Variants in NR6A1 observed in about 807,000 individuals in gnomAD.
NR6A1 encodes retinoic acid receptor-related testis-associated receptor.
NR6A1 carries 7 observed loss-of-function variants against 59.1 expected under a neutral mutation model. That is an observed-to-expected ratio of 0.12 (90% CI 0.07 to 0.22). The LOEUF (loss-of-function observed/expected upper bound fraction) is 0.22. Ranked by LOEUF, NR6A1 falls within the 10% of genes least tolerant of loss-of-function variation. The pLI is 1.00. For synonymous variants in NR6A1, 243 were observed against 236.1 expected (o/e 1.03, Z -0.27); for missense variants, 468 against 611.6 (o/e 0.77, Z 2.48).
At chr9:124,563,911 A>G (rs533456369) in intron 2 of NR6A1, among the ~76,000 whole-genome samples, 1 of 152,222 alleles carries the variant, frequency 6.6e-6, no homozygotes, top group South Asian at 2.1e-4. Context: ...CCCCATCCCT[A>G]CGAAAAATAA....
In NR6A1 at chr9:124,657,251, A is replaced by G. The variant is rs549170150; in HGVS notation, c.142+76057T>C. On this transcript the variant is annotated intron_variant, in intron 2 of 9. Transcript: ENST00000487099. ...CCTCATATGGAAGGTGCTGCATAAT[A>G]TAGTCAACATCTAAAAAATTCCAAG... Among the ~76,000 whole-genome samples the G allele has an allele frequency of 6.0e-4, 91 of 152,344 alleles. 1 individual carries two copies. The South Asian group carries it at 0.018, about 31-fold the overall frequency.
chr9:124,633,236 CT>C (rs1224335702), intron 2 of NR6A1, among the ~76,000 whole-genome samples: 9 of 151,710 alleles, frequency 5.9e-5, no homozygotes, highest in Non-Finnish European at 1.2e-4. Context: ...AACCCCGTCT[CT>C]ACTAAAAATA....
intron 2 of NR6A1, among the ~76,000 whole-genome samples, chr9:124,555,124 T>C (rs532345950): frequency 6.6e-6 from 1 of 152,306 alleles, no homozygotes; most frequent in African/African-American, 2.4e-5. Flanking sequence ...AGAGTATCTA[T>C]TCTGTGTCCA....
intron 2 of NR6A1, among the ~76,000 whole-genome samples, chr9:124,679,834 T>C (rs758240872): frequency 3.3e-5 from 5 of 151,398 alleles, no homozygotes; most frequent in Non-Finnish European, 5.9e-5. Flanking sequence ...GAGGTGGTGG[T>C]TGCAGTGAAC....
chr9:124,549,697 A>T (rs1000738377), intron 3 of NR6A1, among the ~76,000 whole-genome samples: 3 of 152,206 alleles, frequency 2.0e-5, no homozygotes, highest in African/African-American at 4.8e-5. Flanking sequence ...TTAATTTTTT[A>T]AATTTTGAGG....
chr9:124,753,291 G>C (rs557712371), intron 1 of NR6A1, among the ~76,000 whole-genome samples: 18 of 152,172 alleles, frequency 1.2e-4, no homozygotes, highest in African/African-American at 4.3e-4. Flanking sequence ...GCAGACAATA[G>C]CATTTAGAAT....
chr9:124,647,622 GA>G, intron 2 of NR6A1, among the ~76,000 whole-genome samples: 1 of 151,002 alleles, frequency 6.6e-6, no homozygotes, highest in African/African-American at 2.4e-5. Context: ...CAGCTACTCA[GA>G]AGCTGAGGCA....
chr9:124,580,195 T>C (rs940709448), intron 2 of NR6A1, among the ~76,000 whole-genome samples: 1 of 152,218 alleles, frequency 6.6e-6, no homozygotes, highest in Non-Finnish European at 1.5e-5. Flanking sequence ...AATGGGTGAA[T>C]GGATCAACAA....
At chr9:124,683,984 A>T (rs1838250422) in intron 2 of NR6A1, among the ~76,000 whole-genome samples, 1 of 152,234 alleles carries the variant, frequency 6.6e-6, no homozygotes, top group African/African-American at 2.4e-5. Context: ...TTGTGTGGAT[A>T]CTAGCAAAGT....
intron 2 of NR6A1, among the ~76,000 whole-genome samples, chr9:124,586,147 A>G (rs1031195361): frequency 4.6e-5 from 7 of 152,212 alleles, no homozygotes; most frequent in South Asian, 4.1e-4. Flanking sequence ...TAAGAAATAC[A>G]TATCATAAGG....
chr9:124,608,658 C>T (rs1158375307), intron 2 of NR6A1, among the ~76,000 whole-genome samples: 1 of 152,116 alleles, frequency 6.6e-6, no homozygotes, highest in African/African-American at 2.4e-5. Context: ...GGTATATACC[C>T]AGTAATGGAA....
chr9:124,744,292 TATA>T (rs1354450319), intron 1 of NR6A1, among the ~76,000 whole-genome samples: 3 of 152,024 alleles, frequency 2.0e-5, no homozygotes, highest in Non-Finnish European at 4.4e-5. Flanking sequence ...TACAGAAAAA[TATA>T]AGAAAATGTA....
At chr9:124,723,061 G>A (rs1047912166) in intron 2 of NR6A1, among the ~76,000 whole-genome samples, 1 of 151,774 alleles carries the variant, frequency 6.6e-6, no homozygotes, top group African/African-American at 2.4e-5. Context: ...TACATATAGT[G>A]ACATATACTA....
At chr9:124,704,601 T>A (rs888908494) in intron 2 of NR6A1, among the ~76,000 whole-genome samples, 1 of 152,206 alleles carries the variant, frequency 6.6e-6, no homozygotes, top group East Asian at 1.9e-4. Context: ...TTTCTTACAA[T>A]GGACGCTTAC....
Position 124,746,974 on chromosome 9 carries a change from C to A in NR6A1, c.101-13625G>T, listed in dbSNP as rs192654826. Among the ~76,000 whole-genome samples the A allele has an allele frequency of 1.4e-4, 21 of 152,174 alleles. 1 individual carries two copies. In the East Asian group the frequency reaches 2.5e-3, roughly 18 times the overall value. On this transcript the variant is annotated intron_variant, in intron 1 of 9. Coordinates refer to ENST00000487099, the MANE Select transcript of NR6A1 (RefSeq NM_033334.4). ...GGAGACATTAACAGCAGTGGTCACACTATTTATTTCTTCTTAGGGAAAACT... is the reference window on the plus strand; with the variant it reads ...GGAGACATTAACAGCAGTGGTCACAATATTTATTTCTTCTTAGGGAAAACT...
chr9:124,571,360 G>C (rs78779423), intron 2 of NR6A1, among the ~76,000 whole-genome samples: 1,570 of 152,246 alleles, frequency 0.01, 26 homozygotes, highest in African/African-American at 0.036. Flanking sequence ...GAGGCTGTGG[G>C]CATGGATGCG....
In NR6A1 at chr9:124,564,099, C is replaced by A. The variant is rs367984553; in HGVS notation, c.143-9529G>T. 3.3e-5 allele frequency among the ~76,000 whole-genome samples: 5 copies of A among 152,036 alleles called. No individual in the cohort carries two copies. The South Asian group carries it at 1.0e-3, about 32-fold the overall frequency. On this transcript the variant is annotated intron_variant, in intron 2 of 9. Transcript: ENST00000487099. ...TCTCTAAAAAAACCAACAACAACAA[C>A]AAAAAGAAAAATTCATCTTAAATAA...
At chr9:124,739,074 G>C (rs1677753588) in intron 1 of NR6A1, among the ~76,000 whole-genome samples, 2 of 150,806 alleles carry the variant, frequency 1.3e-5, no homozygotes, top group Non-Finnish European at 2.9e-5. Context: ...TATAAGCCCA[G>C]CTACTCAGGA....
intron 2 of NR6A1, among the ~76,000 whole-genome samples, chr9:124,680,090 ATGTGTGTGTGTGTGTG>A (rs57251719): frequency 1.4e-5 from 2 of 143,162 alleles, no homozygotes; most frequent in African/African-American, 2.5e-5. Context: ...GTGTGTATGT[ATGTGTGTGTGTGTGTG>A]TGTGTGTGTG....
Sources: allele counts gnomAD v4.1 joint callset (sites outside exome capture counted in the v4.1 genomes callset), GRCh38; gene constraint gnomAD v4.1.1; transcripts MANE v1.5; gene names NCBI Gene and HGNC (gene_info 2026-07-23, HGNC 2026-07-21).